Variants in SREBF2 observed in about 807,000 individuals in gnomAD.
SREBF2 encodes sterol regulatory element binding transcription factor 2.
SREBF2 carries 55 observed loss-of-function variants against 113.1 expected under a neutral mutation model. The observed-to-expected ratio is 0.49, with a 90% CI of 0.39 to 0.61. SREBF2 has a LOEUF of 0.61. SREBF2 is among the 20% of genes least tolerant of loss of function. SREBF2 has a pLI of 0.00. For missense variants in SREBF2, 1,349 were observed against 1,487.4 expected (o/e 0.91, Z 1.53); for synonymous variants, 593 against 605.7 (o/e 0.98, Z 0.31).
rs2077479033 is a variant in SREBF2, at chr22:41,903,113, C to A, written c.3051C>A (p.Ser1017Arg). Reference protein sequence around the residue: ...ELAGFQRDLGSLRRLAHSFRP... With the variant: ...ELAGFQRDLGRLRRLAHSFRP... ...CGGGCTTCCAACGGGACCTGGGCAG[C>A]CTGCGCAGGCTGGCACACAGCTTCC... Residue 1017 changes from serine (S) to arginine (R), a missense_variant, in exon 17 of 19, where the codon AGC (serine) becomes AGA (arginine). Physicochemically the swap from Ser to Arg is moderately radical, Grantham distance 110 (BLOSUM62 -1). Around this residue, in one of 2 missense-constraint regions of SREBF2, gnomAD observed 650 missense variants for 644.1 expected, o/e 1.01. Transcript: ENST00000361204. The A allele has an allele frequency of 1.3e-6, 2 of 1,564,576 alleles. No homozygotes were observed. The highest frequency in any genetic ancestry group is 1.7e-6 in the Non-Finnish European group (2 of 1,154,656).
In SREBF2 at chr22:41,862,014, A is replaced by ATTTATAG. The variant is rs1227471343; in HGVS notation, c.89-4817_89-4816insTTTATAG. 2.4e-3 allele frequency among the ~76,000 whole-genome samples: 366 copies of ATTTATAG among 152,360 alleles called. 3 individuals carry two copies. The highest frequency in any genetic ancestry group is 8.2e-3 in the African/African-American group (342 of 41,590). On this transcript the variant is annotated intron_variant, in intron 1 of 18. Transcript: ENST00000361204. ...ATGACCTTTGTAAACTAGGTTTCCC[A>ATTTATAG]GCCCCTAATAGGGCTGGGTAACAAA...
At chr22:41,869,094 TTGTG>T (rs747064680) in intron 3 of SREBF2, among the ~76,000 whole-genome samples, 5 of 152,134 alleles carry the variant, frequency 3.3e-5, no homozygotes, top group Non-Finnish European at 7.4e-5. Flanking sequence ...TAGTTTTGTG[TTGTG>T]TTTTTTTGTT....
At chr22:41,891,595 C>T (rs560946754) in intron 11 of SREBF2, among the ~76,000 whole-genome samples, 5 of 152,188 alleles carry the variant, frequency 3.3e-5, no homozygotes, top group Non-Finnish European at 5.9e-5. Context: ...TCTTCTGAAG[C>T]CGTTACATTC....
At chr22:41,902,255 C>T (rs1033493447) in intron 16 of SREBF2, among the ~76,000 whole-genome samples, 1 of 152,172 alleles carries the variant, frequency 6.6e-6, no homozygotes, top group South Asian at 2.1e-4. Flanking sequence ...CCACTGCGAG[C>T]CGGGTGGGCA....
chr22:41,850,913 G>C (rs1337536536), intron 1 of SREBF2, among the ~76,000 whole-genome samples: 1 of 151,978 alleles, frequency 6.6e-6, no homozygotes, highest in Admixed American at 6.6e-5. Context: ...GCTAATTTTT[G>C]TATTTTTGGT....
chr22:41,881,068 A>C, intron 10 of SREBF2, 76 bp downstream of exon 10: 1 of 1,554,936 alleles, frequency 6.4e-7, no homozygotes, highest in Non-Finnish European at 8.7e-7. Flanking sequence ...TTGATTTGCC[A>C]GTTCTGCACC....
At position 41,866,917 on chromosome 22, in the gene SREBF2, G is replaced by A. The variant is rs139624098; in HGVS notation, c.175G>A (p.Gly59Ser). Reference sequence around the variant, plus strand: ...GTGTAGCTCCTTTCCTGGCAGTGGTGGTAGTGGTAGCAGCAGCGGCAGCAG... The same window carrying A: ...GTGTAGCTCCTTTCCTGGCAGTGGTAGTAGTGGTAGCAGCAGCGGCAGCAG... ...QLCSSFPGSGGSGSSSGSSGS... is the reference protein window; with the variant it reads ...QLCSSFPGSGSSGSSSGSSGS... The change falls in exon 2 of 19, where the codon GGT becomes AGT. Residue 59 changes from glycine to serine, a missense_variant. By Grantham distance (56) the Gly-to-Ser change is moderately conservative. This residue lies in a region of SREBF2 where 699 missense variants were observed against 843.3 expected (regional missense o/e 0.83). Transcript: ENST00000361204. 3 of 1,613,884 alleles carry A rather than the reference G, an allele frequency of 1.9e-6. No homozygotes were observed. Among genetic ancestry groups the A allele is most frequent in the Non-Finnish European group, 2.5e-6 (3 of 1,179,932 alleles).
At chr22:41,863,594 G>A (rs1349986163) in intron 1 of SREBF2, among the ~76,000 whole-genome samples, 1 of 152,218 alleles carries the variant, frequency 6.6e-6, no homozygotes, top group Non-Finnish European at 1.5e-5. Context: ...GTTTAATCAT[G>A]TCACGGAATT....
At chr22:41,879,566 G>A (rs186771294) in intron 9 of SREBF2, among the ~76,000 whole-genome samples, 151 of 152,318 alleles carry the variant, frequency 9.9e-4, no homozygotes, top group African/African-American at 3.4e-3. Context: ...GGGAACACCT[G>A]CCTCCTTTGG....
At chr22:41,851,348 A>G (rs1052406771) in intron 1 of SREBF2, among the ~76,000 whole-genome samples, 2 of 151,382 alleles carry the variant, frequency 1.3e-5, no homozygotes, top group African/African-American at 2.4e-5. Context: ...TCCCCTTTTT[A>G]AATTTATGTT....
chr22:41,899,853 A>G (rs770877927), intron 15 of SREBF2, among the ~76,000 whole-genome samples: 5 of 152,086 alleles, frequency 3.3e-5, no homozygotes, highest in African/African-American at 1.2e-4. Flanking sequence ...CTTTTCAGGG[A>G]CTAGGATGCT....
intron 13 of SREBF2, 122 bp downstream of exon 13, chr22:41,895,059 A>G: frequency 2.6e-6 from 2 of 756,610 alleles, no homozygotes; most frequent in Non-Finnish European, 4.7e-6. Context: ...AGGGCAATCA[A>G]ATGGTTCCTT....
At chr22:41,891,815 TG>T (rs2077365877) in intron 11 of SREBF2, among the ~76,000 whole-genome samples, 1 of 152,202 alleles carries the variant, frequency 6.6e-6, no homozygotes, top group Admixed American at 6.5e-5. Flanking sequence ...TCACTCACCC[TG>T]GCCTGTTTCG....
chr22:41,906,438 G>T lies in SREBF2; in HGVS notation c.*778G>T, dbSNP rs552857851. ...CCCAAGCTCAGGGTAGGCCCAGGGG[G>T]CTGGGAGAAATGAAGCCACCCATGG... On this transcript the variant is annotated 3_prime_UTR_variant, in exon 19 of 19. Transcript: ENST00000361204. 77 of 170,338 alleles carry T rather than the reference G, an allele frequency of 4.5e-4. No homozygotes were observed. The highest frequency in any genetic ancestry group is 1.7e-3 in the Admixed American group (30 of 18,084). The allele number at this position is 170,338 out of a possible 1,614,324, so 10.6% of individuals were successfully genotyped here.
At chr22:41,843,090 C>G (rs975500450) in intron 1 of SREBF2, among the ~76,000 whole-genome samples, 1 of 152,096 alleles carries the variant, frequency 6.6e-6, no homozygotes, top group Non-Finnish European at 1.5e-5. Context: ...TGCCTAATGA[C>G]ACATTTCTCA....
intron 11 of SREBF2, among the ~76,000 whole-genome samples, chr22:41,891,984 G>A (rs977071755): frequency 6.6e-6 from 1 of 152,250 alleles, no homozygotes; most frequent in African/African-American, 2.4e-5. Context: ...GAGGGGCCCA[G>A]TGACCGGGGC....
intron 2 of SREBF2, among the ~76,000 whole-genome samples, chr22:41,867,595 A>T (rs2077095823): frequency 6.6e-6 from 1 of 152,188 alleles, no homozygotes; most frequent in Non-Finnish European, 1.5e-5. Context: ...TCACGAGGTC[A>T]GGAGATTGAG....
In SREBF2 at chr22:41,892,203, C is replaced by A. The variant is rs2077370254; in HGVS notation, c.2209-914C>A. On this transcript the variant is annotated intron_variant, in intron 11 of 18. Transcript: ENST00000361204. ...TACAGGGCCTGGGCTGTCCTCCCAG[C>A]TGCCCCTTCACTCCAGTGCCATCTG... Among the ~76,000 whole-genome samples the A allele has an allele frequency of 2.6e-5, 4 of 152,228 alleles. No individual in the cohort carries two copies. The South Asian group carries it at 8.3e-4, about 31-fold the overall frequency.
At chr22:41,889,347 G>C (rs1274855522) in intron 11 of SREBF2, among the ~76,000 whole-genome samples, 2 of 151,946 alleles carry the variant, frequency 1.3e-5, no homozygotes. Flanking sequence ...GGCTGGTCTC[G>C]AACTCCTGGG....
Sources: allele counts gnomAD v4.1 joint callset (sites outside exome capture counted in the v4.1 genomes callset), GRCh38; gene constraint gnomAD v4.1.1; regional missense constraint gnomAD v4.1.1; transcripts MANE v1.5; gene names NCBI Gene and HGNC (gene_info 2026-07-23, HGNC 2026-07-21).